Variants in GKAP1 observed in about 807,000 individuals in gnomAD.
GKAP1 encodes G kinase anchoring protein 1.
Under a neutral mutation model 56.7 loss-of-function variants are expected in GKAP1, and 31 were observed. That is an observed-to-expected ratio of 0.55 (90% CI 0.41 to 0.74). The LOEUF is 0.74. Among genes scored for constraint, GKAP1 ranks in the 30% least tolerant of loss-of-function variants. GKAP1 has a pLI of 0.00. For synonymous variants in GKAP1, 151 were observed against 138.6 expected (o/e 1.09, Z -0.63); for missense variants, 364 against 402.3 (o/e 0.90, Z 0.82).
chr9:83,810,693 A>G (rs1037728019), intron 2 of GKAP1, among the ~76,000 whole-genome samples: 1 of 152,222 alleles, frequency 6.6e-6, no homozygotes, highest in African/African-American at 2.4e-5. Context: ...TAAGTACTTG[A>G]GCAACCTACT....
At chr9:83,775,546 C>A (rs952546368) in intron 7 of GKAP1, among the ~76,000 whole-genome samples, 10 of 151,928 alleles carry the variant, frequency 6.6e-5, no homozygotes, top group Admixed American at 3.9e-4. Flanking sequence ...AGAGCCTTGG[C>A]AGATGTTAAA....
chr9:83,812,451 G>C (rs1207508266), intron 2 of GKAP1, among the ~76,000 whole-genome samples: 3 of 150,742 alleles, frequency 2.0e-5, no homozygotes, highest in African/African-American at 4.9e-5. Flanking sequence ...GGTCTCAGGT[G>C]ATTCTCCCAC....
Position 83,773,524 on chromosome 9 carries a change from T to TGTTTAAAAAAAA in GKAP1, c.586-4566_586-4555dup, listed in dbSNP as rs1943799020. Among the ~76,000 whole-genome samples the TGTTTAAAAAAAA allele has an allele frequency of 2.0e-5, 3 of 151,966 alleles. No individual in the cohort carries two copies. In the South Asian group the frequency reaches 6.2e-4, roughly 32 times the overall value. On this transcript the variant is annotated intron_variant, in intron 7 of 12. Transcript: ENST00000376371. ...TATTTAAATTATAACTCAATACAGC[T>TGTTTAAAAAAAA]GTTTAAAAAAAAAACACACTTGATC...
At chr9:83,788,387 G>C (rs899046741) in intron 5 of GKAP1, among the ~76,000 whole-genome samples, 1 of 152,096 alleles carries the variant, frequency 6.6e-6, no homozygotes, top group Non-Finnish European at 1.5e-5. Context: ...AACATTCCAA[G>C]TCACCGGACA....
chr9:83,746,663 C>T (rs529154581), intron 10 of GKAP1, among the ~76,000 whole-genome samples: 110 of 152,110 alleles, frequency 7.2e-4, no homozygotes, highest in African/African-American at 2.6e-3. Context: ...CACCACACTC[C>T]AGCCTGGGCA....
chr9:83,815,677 T>C (rs1219818169), intron 2 of GKAP1, among the ~76,000 whole-genome samples: 2 of 152,134 alleles, frequency 1.3e-5, no homozygotes, highest in African/African-American at 4.8e-5. Flanking sequence ...CATCTTCTAT[T>C]AACACTACCA....
Position 83,806,518 on chromosome 9 carries a change from C to A in GKAP1, c.-1G>T. 1 of 1,609,470 alleles carries A rather than the reference C, an allele frequency of 6.2e-7. No individual in the cohort carries two copies. Among genetic ancestry groups the A allele is most frequent in the Non-Finnish European group, 8.5e-7 (1 of 1,178,436 alleles). Reference sequence around the variant, plus strand: ...CAGAACTAAGTACTGCTGAGGCCATCGTAAAGATTTTTCTTTTAAAATACT... The same window carrying A: ...CAGAACTAAGTACTGCTGAGGCCATAGTAAAGATTTTTCTTTTAAAATACT... On this transcript the variant is annotated 5_prime_UTR_variant, in exon 3 of 13. Coordinates refer to ENST00000376371, the MANE Select transcript of GKAP1 (RefSeq NM_025211.4).
intron 9 of GKAP1, among the ~76,000 whole-genome samples, chr9:83,752,200 G>A (rs1037635486): frequency 1.3e-5 from 2 of 152,120 alleles, no homozygotes; most frequent in African/African-American, 2.4e-5. Context: ...TCAGGAGTTC[G>A]AGACCAGCCT....
At chr9:83,755,508 C>T (rs900590692) in intron 8 of GKAP1, among the ~76,000 whole-genome samples, 1 of 151,824 alleles carries the variant, frequency 6.6e-6, no homozygotes, top group African/African-American at 2.4e-5. Flanking sequence ...TACTGTTTTA[C>T]TTTTGAATAA....
chr9:83,760,097 C>G (rs1038040026), intron 8 of GKAP1, among the ~76,000 whole-genome samples: 3 of 152,062 alleles, frequency 2.0e-5, no homozygotes, highest in East Asian at 3.9e-4. Context: ...CTTTATAGAA[C>G]AGCTGAATGG....
intron 2 of GKAP1, among the ~76,000 whole-genome samples, chr9:83,809,576 G>A (rs1299155223): frequency 6.6e-6 from 1 of 152,210 alleles, no homozygotes; most frequent in African/African-American, 2.4e-5. Context: ...AGTCAAGAAT[G>A]GGGGAGCCCA....
chr9:83,786,055 A>G (rs1944058275), intron 5 of GKAP1, among the ~76,000 whole-genome samples: 1 of 152,006 alleles, frequency 6.6e-6, no homozygotes, highest in Non-Finnish European at 1.5e-5. Flanking sequence ...ATGTAATAAG[A>G]CTCTTTAAAG....
At chr9:83,816,031 CAAAAAAAAAA>C in intron 2 of GKAP1, among the ~76,000 whole-genome samples, 1 of 91,422 alleles carries the variant, frequency 1.1e-5, no homozygotes, top group East Asian at 3.3e-4. Context: ...ATTAAAAATA[CAAAAAAAAAA>C]AAAAAAAAAA....
intron 7 of GKAP1, among the ~76,000 whole-genome samples, chr9:83,770,863 C>A (rs1943747801): frequency 6.6e-6 from 1 of 151,980 alleles, no homozygotes; most frequent in African/African-American, 2.4e-5. Flanking sequence ...TCCGGCGTTA[C>A]ATTACGTTTT....
At position 83,755,602 on chromosome 9, in the gene GKAP1, CA is replaced by C. The variant is rs553196259; in HGVS notation, c.739-2244del. On this transcript the variant is annotated intron_variant, in intron 8 of 12. Coordinates refer to ENST00000376371, the MANE Select transcript of GKAP1 (RefSeq NM_025211.4). ...TAAGAAGCCCTTCTGAAATTGACAT[CA>C]AAAAAAAGAGGAAAAATGGAAAAGA... Among the ~76,000 whole-genome samples the C allele has an allele frequency of 7.6e-3, 1,120 of 146,856 alleles. 16 individuals are homozygous for C. The highest frequency in any genetic ancestry group is 0.027 in the African/African-American group (1,073 of 40,034).
At chr9:83,807,982 T>C (rs553554970) in intron 2 of GKAP1, among the ~76,000 whole-genome samples, 2 of 152,330 alleles carry the variant, frequency 1.3e-5, no homozygotes, top group Middle Eastern at 3.4e-3. Context: ...AAGTTTTTGG[T>C]ATACAATGAA....
At chr9:83,798,687 TG>T (rs1311002583) in intron 4 of GKAP1, among the ~76,000 whole-genome samples, 2 of 152,062 alleles carry the variant, frequency 1.3e-5, no homozygotes, top group African/African-American at 4.8e-5. Context: ...CTAATTTTTC[TG>T]TTTTTTTTGT....
intron 2 of GKAP1, among the ~76,000 whole-genome samples, chr9:83,810,217 TTAGA>T (rs1944488884): frequency 6.6e-6 from 1 of 152,248 alleles, no homozygotes; most frequent in Non-Finnish European, 1.5e-5. Flanking sequence ...TATTGAATGC[TTAGA>T]TAAAAATTGT....
At chr9:83,783,496 T>C (rs1944012611) in intron 6 of GKAP1, among the ~76,000 whole-genome samples, 1 of 152,238 alleles carries the variant, frequency 6.6e-6, no homozygotes, top group Non-Finnish European at 1.5e-5. Flanking sequence ...CTAAGTATTT[T>C]TAACATTTCC....
Sources: gnomAD v4.1 joint callset for allele counts (sites outside exome capture counted in the v4.1 genomes callset) on GRCh38, gnomAD v4.1.1 for gene constraint, MANE v1.5 for transcripts, NCBI Gene and HGNC (gene_info 2026-07-23, HGNC 2026-07-21) for gene names.